CILK1: variants seen among roughly 807,000 people sequenced by gnomAD.
CILK1 encodes serine/threonine-protein kinase ICK.
A neutral mutation model predicts 79.2 loss-of-function variants in CILK1; 47 were observed. The ratio of observed to expected loss-of-function variants is 0.59; its 90% CI spans 0.47 to 0.76. CILK1 has a LOEUF of 0.76. Ranked by LOEUF, CILK1 falls within the 30% of genes least tolerant of loss-of-function variation. The pLI is 0.00. For missense variants in CILK1, 660 were observed against 769.5 expected (o/e 0.86, Z 1.68); for synonymous variants, 266 against 275.9 (o/e 0.96, Z 0.36).
At chr6:53,042,938 A>T (rs886186858) in intron 1 of CILK1, among the ~76,000 whole-genome samples, 1 of 152,206 alleles carries the variant, frequency 6.6e-6, no homozygotes, top group African/African-American at 2.4e-5. Flanking sequence ...TATTAATATT[A>T]GGGAAAGTGG....
At chr6:53,047,956 A>G (rs1449057958) in intron 1 of CILK1, among the ~76,000 whole-genome samples, 1 of 152,106 alleles carries the variant, frequency 6.6e-6, no homozygotes, top group Non-Finnish European at 1.5e-5. Flanking sequence ...TCAATAAGCA[A>G]ATAGCTCTAA....
At chr6:53,044,783 C>T (rs909343026) in intron 1 of CILK1, among the ~76,000 whole-genome samples, 4 of 152,100 alleles carry the variant, frequency 2.6e-5, no homozygotes, top group African/African-American at 9.7e-5. Flanking sequence ...GTGTCTTTTA[C>T]CTCTCCCCCA....
At position 53,055,368 on chromosome 6, in the gene CILK1, C is replaced by A. The variant is rs948964982; in HGVS notation, c.-173+6228G>T. Among the ~76,000 whole-genome samples, 8 of 152,222 alleles carry A rather than the reference C, an allele frequency of 5.3e-5. No homozygotes were observed. In the East Asian group the frequency reaches 7.7e-4, roughly 15 times the overall value. ...CCGGGTTTATGTTTTTCTCCTGGAC[C>A]TAATTCTTCTGCCTCTGTACATTTT... On this transcript the variant is annotated intron_variant, in intron 1 of 13. Coordinates refer to ENST00000676107, the MANE Select transcript of CILK1 (RefSeq NM_014920.5).
Position 53,005,231 on chromosome 6 carries a change from G to T in CILK1, c.1817C>A (p.Pro606His). The T allele has an allele frequency of 6.2e-7, 1 of 1,614,190 alleles. No individual in the cohort carries two copies. The highest frequency in any genetic ancestry group is 1.3e-5 in the African/African-American group (1 of 75,056). Residue 606 changes from proline to histidine, a missense_variant, in exon 14 of 14, where the codon CCT becomes CAT. Pro to His is a moderately conservative substitution (Grantham distance 77). Coordinates refer to ENST00000676107, the MANE Select transcript of CILK1 (RefSeq NM_014920.5). Reference sequence around the variant, plus strand: ...GGCTGGAGGCCGTGGTATCAACCCAGGAGTGCTTCTAGGCTGGGTGTGGAA... The same window carrying T: ...GGCTGGAGGCCGTGGTATCAACCCATGAGTGCTTCTAGGCTGGGTGTGGAA... ...PFFHTQPRSTPGLIPRPPAAQ... is the reference protein window; with the variant it reads ...PFFHTQPRSTHGLIPRPPAAQ...
intron 5 of CILK1, among the ~76,000 whole-genome samples, chr6:53,027,033 AAC>A (rs1765624185): frequency 1.3e-5 from 2 of 152,236 alleles, no homozygotes; most frequent in Admixed American, 1.3e-4. Flanking sequence ...ATATGGAAAT[AAC>A]CAGAGAATCT....
chr6:53,033,710 A>G (rs1381052205), intron 3 of CILK1, among the ~76,000 whole-genome samples: 1 of 152,242 alleles, frequency 6.6e-6, no homozygotes, highest in Non-Finnish European at 1.5e-5. Context: ...AACAAAGAAA[A>G]CATGTGAAGA....
intron 1 of CILK1, among the ~76,000 whole-genome samples, chr6:53,059,529 G>A (rs1768237195): frequency 6.6e-6 from 1 of 152,180 alleles, no homozygotes; most frequent in Non-Finnish European, 1.5e-5. Context: ...GGTAGGAGTC[G>A]CACAGGAGAG....
chr6:53,013,542 C>T, intron 9 of CILK1, 120 bp downstream of exon 9: 1 of 955,362 alleles, frequency 1.0e-6, no homozygotes, highest in South Asian at 1.4e-5. Context: ...CATGCTGTTG[C>T]AAACATAAAT....
intron 2 of CILK1, among the ~76,000 whole-genome samples, 155 bp downstream of exon 2, chr6:53,040,981 G>C (rs1766665784): frequency 6.6e-6 from 1 of 152,150 alleles, no homozygotes; most frequent in Non-Finnish European, 1.5e-5. Context: ...CCTCTAACAT[G>C]AGTGTTACAG....
chr6:53,052,257 A>G (rs1767534548), intron 1 of CILK1, among the ~76,000 whole-genome samples: 1 of 152,192 alleles, frequency 6.6e-6, no homozygotes, highest in Non-Finnish European at 1.5e-5. Context: ...GCGGCAAAGT[A>G]TTCCATGGTG....
At chr6:53,006,228 C>A in intron 13 of CILK1, 87 bp downstream of exon 13, 1 of 1,274,682 alleles carries the variant, frequency 7.8e-7, no homozygotes, top group Non-Finnish European at 1.1e-6. Flanking sequence ...ATTGGTGGAT[C>A]CCAGGCCTAA....
chr6:53,052,685 C>T (rs894014215), intron 1 of CILK1, among the ~76,000 whole-genome samples: 6 of 151,262 alleles, frequency 4.0e-5, no homozygotes, highest in Non-Finnish European at 7.4e-5. Flanking sequence ...GAGCAGAGAT[C>T]GCACCACTGT....
chr6:53,009,916 A>G (rs1764464691), intron 11 of CILK1, among the ~76,000 whole-genome samples: 1 of 151,776 alleles, frequency 6.6e-6, no homozygotes, highest in East Asian at 1.9e-4. Flanking sequence ...TCCCCCACCC[A>G]TGGCCTCCAA....
chr6:53,040,126 T>C (rs1766604819), intron 2 of CILK1, among the ~76,000 whole-genome samples: 1 of 152,156 alleles, frequency 6.6e-6, no homozygotes, highest in African/African-American at 2.4e-5. Flanking sequence ...CAAATATAGA[T>C]GCTGACAAGT....
intron 1 of CILK1, chr6:53,061,034 G>T (rs1403807074): frequency 2.0e-5 from 3 of 152,224 alleles, no homozygotes. Context: ...TAAGTGGAAA[G>T]GAATACTCTT....
chr6:53,054,662 G>A (rs1229956531), intron 1 of CILK1: 2 of 152,254 alleles, frequency 1.3e-5, no homozygotes, highest in Admixed American at 6.5e-5. Flanking sequence ...CCCTCCATGC[G>A]GTCAGATCAG....
At chr6:53,039,899 T>C (rs1766592771) in intron 2 of CILK1, among the ~76,000 whole-genome samples, 1 of 151,820 alleles carries the variant, frequency 6.6e-6, no homozygotes, top group East Asian at 1.9e-4. Context: ...CAGAAGTAGG[T>C]GGATGACATA....
intron 1 of CILK1, among the ~76,000 whole-genome samples, chr6:53,049,621 C>G (rs1019184594): frequency 6.6e-6 from 1 of 152,196 alleles, no homozygotes; most frequent in African/African-American, 2.4e-5. Flanking sequence ...ACAAGTGGGG[C>G]CCAACATGGG....
Position 53,031,428 on chromosome 6 carries a change from T to C in CILK1, c.279-284A>G, listed in dbSNP as rs542999305. ...TTTGAGGTCTTCCAGATGAAGCCCT[T>C]ATGCAATGCAATGGCTAACATTTTC... On this transcript the variant is annotated intron_variant, in intron 4 of 13. Coordinates refer to ENST00000676107, the MANE Select transcript of CILK1 (RefSeq NM_014920.5). 5.6e-4 allele frequency among the ~76,000 whole-genome samples: 86 copies of C among 152,298 alleles called. 1 individual carries two copies. The highest frequency in any genetic ancestry group is 2.0e-3 in the African/African-American group (82 of 41,558).
Sources: gnomAD v4.1 joint callset for allele counts (sites outside exome capture counted in the v4.1 genomes callset) on GRCh38, gnomAD v4.1.1 for gene constraint, MANE v1.5 for transcripts, NCBI Gene and HGNC (gene_info 2026-07-23, HGNC 2026-07-21) for gene names.